Variants in LRRC4C observed in about 807,000 individuals in gnomAD.
LRRC4C encodes the protein leucine rich repeat containing 4C.
LRRC4C carries 5 observed loss-of-function variants against 33.6 expected under a neutral mutation model. The observed-to-expected ratio is 0.15, with a 90% CI of 0.08 to 0.31. The LOEUF (loss-of-function observed/expected upper bound fraction) is 0.31. LRRC4C is among the 10% of genes least tolerant of loss of function. The probability of loss-of-function intolerance (pLI) is 1.00; values close to 1 mark genes in which losing one functional copy is unlikely to be tolerated. For missense variants in LRRC4C, 560 were observed against 796.7 expected, an observed-to-expected ratio of 0.70 and a Z score of 3.58; for synonymous variants, 329 against 302.0, an observed-to-expected ratio of 1.09 and a Z score of -0.93.
intron 2 of LRRC4C, among the ~76,000 whole-genome samples, chr11:40,880,127 G>A (rs961506671): frequency 1.3e-5 from 2 of 152,110 alleles, no homozygotes; most frequent in Non-Finnish European, 2.9e-5. Context: ...CTGCCAAAAG[G>A]TCTGCTGGAA....
At position 41,335,793 on chromosome 11, in the gene LRRC4C, TG is replaced by T. The variant is rs1451852127; in HGVS notation, c.-496+123637del. On this transcript the variant is annotated intron_variant, in intron 1 of 6. Transcript: ENST00000528697. The stretch of plus-strand genomic sequence containing the variant: ...TCTCCTCCGTTCTCCCATTGATCTT[TG>T]TTTCTCTTCTCCAAGCTTCTTTTTG... Among the ~76,000 whole-genome samples, 3 of 152,336 alleles carry T rather than the reference TG, an allele frequency of 2.0e-5. No individual in the cohort carries two copies. The East Asian group carries it at 5.8e-4, about 29-fold the overall frequency.
At chr11:41,407,687 C>CA (rs1954294840) in intron 1 of LRRC4C, among the ~76,000 whole-genome samples, 1 of 152,106 alleles carries the variant, frequency 6.6e-6, no homozygotes, top group African/African-American at 2.4e-5. Context: ...TTTTATAAAC[C>CA]ATGTTGCTCA....
At chr11:40,336,253 G>A (rs1158364) in intron 3 of LRRC4C, among the ~76,000 whole-genome samples, 29,750 of 151,976 alleles carry the variant, frequency 0.2, 3,159 homozygotes, top group Admixed American at 0.32. Flanking sequence ...CCGCGGAACT[G>A]CATATCCCAG....
chr11:40,526,518 C>A (rs974512283), intron 3 of LRRC4C, among the ~76,000 whole-genome samples: 1 of 152,008 alleles, frequency 6.6e-6, no homozygotes, highest in Admixed American at 6.6e-5. Context: ...CAAATTGAAA[C>A]TCAATGTGTT....
chr11:40,685,897 A>G (rs1236179809), intron 2 of LRRC4C, among the ~76,000 whole-genome samples: 1 of 152,088 alleles, frequency 6.6e-6, no homozygotes, highest in Admixed American at 6.6e-5. Context: ...CAATCGTACA[A>G]TTATAAAAAT....
chr11:40,786,779 C>T (rs574670868), intron 2 of LRRC4C, among the ~76,000 whole-genome samples: 5 of 152,234 alleles, frequency 3.3e-5, no homozygotes, highest in Non-Finnish European at 7.4e-5. Flanking sequence ...AATAGACACA[C>T]GAGCCAACAG....
intron 4 of LRRC4C, among the ~76,000 whole-genome samples, chr11:40,309,258 A>T (rs1945187406): frequency 2.6e-5 from 4 of 152,190 alleles, no homozygotes; most frequent in Admixed American, 2.6e-4. Context: ...ATTGATATAT[A>T]TATCCATATC....
intron 1 of LRRC4C, among the ~76,000 whole-genome samples, chr11:41,149,282 G>T (rs1317515429): frequency 6.6e-6 from 1 of 152,018 alleles, no homozygotes; most frequent in East Asian, 1.9e-4. Flanking sequence ...GAGGCGGGCG[G>T]ATCACGAGGT....
At chr11:40,911,630 T>G (rs866496914) in intron 2 of LRRC4C, among the ~76,000 whole-genome samples, 1 of 152,100 alleles carries the variant, frequency 6.6e-6, no homozygotes, top group African/African-American at 2.4e-5. Flanking sequence ...ATTCTAAAAA[T>G]CAGAGAGCCT....
At chr11:40,972,136 A>ATT (rs3075563) in intron 1 of LRRC4C, among the ~76,000 whole-genome samples, 1,839 of 137,882 alleles carry the variant, frequency 0.013, 27 homozygotes, top group African/African-American at 0.015. Flanking sequence ...GGAAGCCATA[A>ATT]TTTTTTTTTT....
chr11:40,639,809 C>T (rs569364586), intron 3 of LRRC4C, among the ~76,000 whole-genome samples: 39 of 152,216 alleles, frequency 2.6e-4, no homozygotes, highest in African/African-American at 9.1e-4. Flanking sequence ...AATGAATTCC[C>T]GTGATTTTTC....
At chr11:40,119,154 C>T (rs1315440127) in intron 6 of LRRC4C, among the ~76,000 whole-genome samples, 1 of 152,052 alleles carries the variant, frequency 6.6e-6, no homozygotes, top group African/African-American at 2.4e-5. Flanking sequence ...GGCTTTTTTC[C>T]CCTCAGTAAT....
At chr11:40,615,888 T>C (rs1255018631) in intron 3 of LRRC4C, among the ~76,000 whole-genome samples, 1 of 151,786 alleles carries the variant, frequency 6.6e-6, no homozygotes, top group Non-Finnish European at 1.5e-5. Flanking sequence ...CTCAAACTAA[T>C]GAAGAAAATC....
chr11:40,571,348 C>T lies in LRRC4C; in HGVS notation c.-270+76794G>A, dbSNP rs190778659. 5.4e-3 allele frequency among the ~76,000 whole-genome samples: 814 copies of T among 151,946 alleles called. 5 individuals carry two copies. Among genetic ancestry groups the T allele is most frequent in the Middle Eastern group, 0.014 (4 of 294 alleles). On this transcript the variant is annotated intron_variant, in intron 3 of 6. Transcript: ENST00000528697. ...TTTTTTAAATTTTTAGTTGTATTTT[C>T]CTTGTATTGTAAATTTCACTGTTGA...
intron 1 of LRRC4C, among the ~76,000 whole-genome samples, chr11:41,296,315 CTTT>C (rs11347878): frequency 6.8e-6 from 1 of 147,458 alleles, no homozygotes; most frequent in Non-Finnish European, 1.5e-5. Flanking sequence ...TTATGCTGTG[CTTT>C]TTTTTTTTTC....
At chr11:41,449,238 A>G (rs760112187) in intron 1 of LRRC4C, among the ~76,000 whole-genome samples, 8 of 152,200 alleles carry the variant, frequency 5.3e-5, no homozygotes, top group African/African-American at 1.7e-4. Flanking sequence ...GTCAAAACAG[A>G]AAGTGGGCCT....
At chr11:40,341,425 T>C (rs1436897101) in intron 3 of LRRC4C, among the ~76,000 whole-genome samples, 1 of 152,076 alleles carries the variant, frequency 6.6e-6, no homozygotes, top group African/African-American at 2.4e-5. Context: ...TTATAATCCT[T>C]TGGGTATATA....
chr11:41,433,040 C>A (rs1198860511), intron 1 of LRRC4C, among the ~76,000 whole-genome samples: 1 of 152,144 alleles, frequency 6.6e-6, no homozygotes, highest in Non-Finnish European at 1.5e-5. Context: ...GAAGGTCACC[C>A]TGTGTCTTCT....
intron 2 of LRRC4C, among the ~76,000 whole-genome samples, chr11:40,686,716 C>T (rs1426970771): frequency 6.6e-6 from 1 of 151,960 alleles, no homozygotes; most frequent in Non-Finnish European, 1.5e-5. Context: ...CTTACAAGAG[C>T]AGTGTTTCTC....
Sources: allele counts gnomAD v4.1 joint callset (sites outside exome capture counted in the v4.1 genomes callset), GRCh38; gene constraint gnomAD v4.1.1; transcripts MANE v1.5; gene names NCBI Gene and HGNC (gene_info 2026-07-23, HGNC 2026-07-21).